Variants in NR5A2 observed in about 807,000 individuals in gnomAD.
The protein encoded by NR5A2 is CYP7A promoter-binding factor.
NR5A2 carries 26 observed loss-of-function variants against 62.7 expected under a neutral mutation model. That is an observed-to-expected ratio of 0.41 (90% CI 0.30 to 0.58). NR5A2 has a LOEUF of 0.58. Ranked by LOEUF, NR5A2 falls within the 20% of genes least tolerant of loss-of-function variation. NR5A2 has a pLI of 0.22. For missense variants in NR5A2, 541 were observed against 669.1 expected, an observed-to-expected ratio of 0.81 and a Z score of 2.11; for synonymous variants, 246 against 241.7, an observed-to-expected ratio of 1.02 and a Z score of -0.16.
At position 200,158,979 on chromosome 1, in the gene NR5A2, C is replaced by T. The variant is rs528028274; in HGVS notation, c.1379-14984C>T. 3.0e-4 allele frequency among the ~76,000 whole-genome samples: 46 copies of T among 151,594 alleles called. 1 individual carries two copies. The highest frequency in any genetic ancestry group is 1.1e-3 in the African/African-American group (45 of 41,242). On this transcript the variant is annotated intron_variant, in intron 7 of 7. Transcript: ENST00000367362. ...GCCCGATCACAGTTCATTGCAACCT[C>T]AAACTCCTGGGCTTAAGCAATCCCC...
At position 200,045,381 on chromosome 1, in the gene NR5A2, A is replaced by C. The variant is rs534726157; in HGVS notation, c.322-62A>C. 1.0e-4 allele frequency: 149 copies of C among 1,432,428 alleles called. 1 individual carries two copies. The highest frequency in any genetic ancestry group is 3.4e-5 in the Non-Finnish European group (36 of 1,063,546). 88.7% of individuals were successfully genotyped at this position (1,432,428 alleles called of 1,614,324 possible). A position where few individuals can be genotyped will look rare whatever the true frequency, so the allele number is the denominator to read the frequency against. ...ATTTACTGGTGATTTTCTTAAAATG[A>C]AACAATGGAAAAGACGGGTGTTAGA... On this transcript the variant is annotated intron_variant, in intron 3 of 7. Coordinates refer to ENST00000367362, the MANE Select transcript of NR5A2 (RefSeq NM_205860.3).
chr1:200,142,505 C>CTT lies in NR5A2; in HGVS notation c.1378+21557_1378+21558dup, dbSNP rs565572395. The stretch of plus-strand genomic sequence containing the variant: ...GCCACTGCGCCCAGCCTAAAGACTT[C>CTT]TTTTTTTTAAAAAAAAATTATTATT... On this transcript the variant is annotated intron_variant, in intron 7 of 7. Transcript: ENST00000367362. Among the ~76,000 whole-genome samples, 457 of 151,666 alleles carry CTT rather than the reference C, an allele frequency of 3.0e-3. No individual in the cohort carries two copies. The Middle Eastern group carries it at 0.031, about 10-fold the overall frequency.
chr1:200,119,000 G>A (rs1267338290), intron 6 of NR5A2, among the ~76,000 whole-genome samples: 1 of 152,210 alleles, frequency 6.6e-6, no homozygotes, highest in Non-Finnish European at 1.5e-5. Context: ...AAAGCAGGTA[G>A]ACAGTGCTGT....
At chr1:200,070,763 C>G (rs1393368929) in intron 5 of NR5A2, among the ~76,000 whole-genome samples, 1 of 150,250 alleles carries the variant, frequency 6.7e-6, no homozygotes, top group Non-Finnish European at 1.5e-5. Flanking sequence ...CCATCCCCCC[C>G]ACCAAATATA....
At chr1:200,116,758 C>T (rs1303493797) in intron 6 of NR5A2, among the ~76,000 whole-genome samples, 10 of 152,244 alleles carry the variant, frequency 6.6e-5, no homozygotes, top group South Asian at 2.1e-4. Flanking sequence ...TCTATATAGT[C>T]GCAACTTAGT....
intron 7 of NR5A2, among the ~76,000 whole-genome samples, chr1:200,121,247 A>C (rs1289116811): frequency 6.6e-6 from 1 of 152,230 alleles, no homozygotes; most frequent in African/African-American, 2.4e-5. Context: ...AAGCTATGAC[A>C]AAGGTTTAAA....
chr1:200,091,368 A>C (rs1479054299), intron 5 of NR5A2, among the ~76,000 whole-genome samples: 1 of 151,950 alleles, frequency 6.6e-6, no homozygotes, highest in Non-Finnish European at 1.5e-5. Context: ...GAATAAACTA[A>C]AGCTCAGGGG....
At chr1:200,158,735 C>T (rs181351644) in intron 7 of NR5A2, among the ~76,000 whole-genome samples, 24 of 152,184 alleles carry the variant, frequency 1.6e-4, no homozygotes, top group African/African-American at 5.5e-4. Flanking sequence ...ATACAATTTC[C>T]GAAGTAGCAT....
chr1:200,133,560 CACATAT>C (rs1558159165), intron 7 of NR5A2, among the ~76,000 whole-genome samples: 1,667 of 136,710 alleles, frequency 0.012, 26 homozygotes, highest in African/African-American at 0.045. Flanking sequence ...CATATATACA[CACATAT>C]ATATATACAC....
rs1238455914 is a variant in NR5A2 at position 200,109,635 on chromosome 1, A to T, written c.1111-1567A>T. ...TCTTATCACTACTAATATATCAGTG[A>T]CAGCTATTCAGAGTCTTATGGAATG... On this transcript the variant is annotated intron_variant, in intron 5 of 7. Coordinates refer to ENST00000367362, the MANE Select transcript of NR5A2 (RefSeq NM_205860.3). Among the ~76,000 whole-genome samples, 9 of 152,350 alleles carry T rather than the reference A, an allele frequency of 5.9e-5. No homozygotes were observed. In the East Asian group the frequency reaches 1.7e-3, roughly 29 times the overall value.
rs934567766 is a variant in NR5A2 at position 200,176,430 on chromosome 1, G to A, written c.*2220G>A. 2 of 152,438 alleles carry A rather than the reference G, an allele frequency of 1.3e-5. No individual in the cohort carries two copies. Among genetic ancestry groups the A allele is most frequent in the African/African-American group, 2.4e-5 (1 of 41,402 alleles). The allele number at this position is 152,438 out of a possible 1,614,324, so 9.4% of individuals were successfully genotyped here. ...GTGGCTCAAAGGACAATGCAAAATCGCCGATCAGAGCTCATACCCAAAGCA... is the reference window on the plus strand; with the variant it reads ...GTGGCTCAAAGGACAATGCAAAATCACCGATCAGAGCTCATACCCAAAGCA... On this transcript the variant is annotated 3_prime_UTR_variant, in exon 8 of 8. Coordinates refer to ENST00000367362, the MANE Select transcript of NR5A2 (RefSeq NM_205860.3).
chr1:200,154,162 G>T (rs749965518), intron 7 of NR5A2, among the ~76,000 whole-genome samples: 2 of 152,112 alleles, frequency 1.3e-5, no homozygotes, highest in Non-Finnish European at 2.9e-5. Flanking sequence ...GTCTGCTCTT[G>T]CTTCCTCCAG....
intron 2 of NR5A2, chr1:200,043,047 T>C: frequency 1.0e-6 from 1 of 969,964 alleles, no homozygotes; most frequent in African/African-American, 1.8e-5. Context: ...AACCCTTCTG[T>C]GTGTCTTTTA....
At chr1:200,126,845 G>A (rs1666725670) in intron 7 of NR5A2, among the ~76,000 whole-genome samples, 2 of 152,026 alleles carry the variant, frequency 1.3e-5, no homozygotes. Flanking sequence ...AAGTAATGTA[G>A]AGACTAAACT....
intron 5 of NR5A2, among the ~76,000 whole-genome samples, chr1:200,071,142 G>T (rs376371122): frequency 6.6e-6 from 1 of 152,094 alleles, no homozygotes; most frequent in Non-Finnish European, 1.5e-5. Flanking sequence ...TCATTTGTAG[G>T]ACTATTTTGA....
At position 200,069,069 on chromosome 1, in the gene NR5A2, G is replaced by A. The variant is rs189620251; in HGVS notation, c.1110+20251G>A. ...TTATAGCCTCATTAGACACTCTGTGGTTATTCAGTCTTAAGCATTCCACCT... is the reference window on the plus strand; with the variant it reads ...TTATAGCCTCATTAGACACTCTGTGATTATTCAGTCTTAAGCATTCCACCT... On this transcript the variant is annotated intron_variant, in intron 5 of 7. Coordinates refer to ENST00000367362, the MANE Select transcript of NR5A2 (RefSeq NM_205860.3). Among the ~76,000 whole-genome samples the A allele has an allele frequency of 2.1e-3, 320 of 152,186 alleles. 2 individuals are homozygous for A. The highest frequency in any genetic ancestry group is 6.8e-3 in the Middle Eastern group (2 of 294).
At chr1:200,057,606 G>C (rs1264678131) in intron 5 of NR5A2, 1 of 346,146 alleles carries the variant, frequency 2.9e-6, no homozygotes, top group Non-Finnish European at 5.8e-6. Context: ...AGCCTCCCGA[G>C]TAGCTGGGAT....
At chr1:200,110,490 A>T (rs1232512672) in intron 5 of NR5A2, among the ~76,000 whole-genome samples, 1 of 152,188 alleles carries the variant, frequency 6.6e-6, no homozygotes, top group South Asian at 2.1e-4. Context: ...TGTAATCCTC[A>T]TAGCAACCTT....
chr1:200,159,357 C>T (rs1042736533), intron 7 of NR5A2, among the ~76,000 whole-genome samples: 2 of 152,128 alleles, frequency 1.3e-5, no homozygotes, highest in Admixed American at 1.3e-4. Context: ...ACATCTAATC[C>T]TACCCCTCCA....
Sources: gnomAD v4.1 joint callset for allele counts (sites outside exome capture counted in the v4.1 genomes callset) on GRCh38, gnomAD v4.1.1 for gene constraint, MANE v1.5 for transcripts, NCBI Gene and HGNC (gene_info 2026-07-23, HGNC 2026-07-21) for gene names.